Variants in CLEC2D observed in about 807,000 individuals in gnomAD.
The protein encoded by CLEC2D is C-type lectin domain family 2 member D.
CLEC2D carries 16 observed loss-of-function variants against 20.0 expected under a neutral mutation model. The ratio of observed to expected loss-of-function variants is 0.80; its 90% CI spans 0.54 to 1.22. The LOEUF (loss-of-function observed/expected upper bound fraction) is 1.22. Ranked by LOEUF, CLEC2D falls within the 50% of genes most tolerant of loss-of-function variation. CLEC2D has a pLI of 0.00. For missense variants in CLEC2D, 207 were observed against 221.5 expected (o/e 0.93, Z 0.42); for synonymous variants, 77 against 71.1 (o/e 1.08, Z -0.42).
rs1226655704 is a variant in CLEC2D, at chr12:9,683,322, G to GTTTTTTTTTTTTTTT, written c.172+2295_172+2296insTTTTTTTTTTTTTTT. Among the ~76,000 whole-genome samples, 8 of 80,870 alleles carry GTTTTTTTTTTTTTTT rather than the reference G, an allele frequency of 9.9e-5. 3 individuals carry two copies. Among genetic ancestry groups the GTTTTTTTTTTTTTTT allele is most frequent in the African/African-American group, 3.1e-4 (5 of 16,154 alleles). The allele number at this position is 80,870 out of a possible 152,430, so 53.1% of individuals were successfully genotyped here. On this transcript the variant is annotated intron_variant, in intron 2 of 4. Transcript: ENST00000290855. ...TGCCTGTTCACTCTGATGATAGTTT[G>GTTTTTTTTTTTTTTT]TTTTTTGTGTTTGTTTTTTTTTTTT...
intron 1 of CLEC2D, among the ~76,000 whole-genome samples, chr12:9,674,417 C>T (rs1046147786): frequency 3.3e-5 from 5 of 152,244 alleles, no homozygotes; most frequent in African/African-American, 1.2e-4. Context: ...TTCCTGCTTC[C>T]TGTGGGTTGC....
In CLEC2D at chr12:9,694,424, C is replaced by G. The variant is rs567343851; in HGVS notation, c.462-336C>G. 1.4e-3 allele frequency among the ~76,000 whole-genome samples: 218 copies of G among 152,212 alleles called. 1 individual carries two copies. The highest frequency in any genetic ancestry group is 2.3e-3 in the Non-Finnish European group (156 of 68,002). ...TTTTTAGAAATAGCTGCTGAGTCTT[C>G]AGTTATTTAAGGAAGCAAAATATTG... On this transcript the variant is annotated intron_variant, in intron 4 of 4. Coordinates refer to ENST00000290855, the MANE Select transcript of CLEC2D (RefSeq NM_013269.6).
intron 1 of CLEC2D, among the ~76,000 whole-genome samples, chr12:9,670,057 A>G (rs1003725744): frequency 6.6e-6 from 1 of 152,172 alleles, no homozygotes; most frequent in African/African-American, 2.4e-5. Context: ...TGAAAATAAC[A>G]GTTAATTTCA....
rs1408252082 is a variant in CLEC2D, at chr12:9,698,568, G to A, written c.*3694G>A. The stretch of plus-strand genomic sequence containing the variant: ...TGTAAAACTACTAAAAGAAAATATA[G>A]GGAGAAAGCTTCACAACGTTGGTCT... On this transcript the variant is annotated 3_prime_UTR_variant, in exon 5 of 5. Coordinates refer to ENST00000290855, the MANE Select transcript of CLEC2D (RefSeq NM_013269.6). 6.6e-6 allele frequency: 1 copy of A among 152,096 alleles called. No individual in the cohort carries two copies. The highest frequency in any genetic ancestry group is 1.5e-5 in the Non-Finnish European group (1 of 68,026). 9.4% of individuals were successfully genotyped at this position (152,096 alleles called of 1,614,324 possible).
At chr12:9,683,489 G>C (rs890030982) in intron 2 of CLEC2D, among the ~76,000 whole-genome samples, 2 of 151,810 alleles carry the variant, frequency 1.3e-5, no homozygotes, top group African/African-American at 2.4e-5. Context: ...TTTGTTCTCA[G>C]GTTTTTATGG....
chr12:9,692,668 T>A (rs1253468001), intron 3 of CLEC2D, among the ~76,000 whole-genome samples, 160 bp from the exon 4 acceptor site: 1 of 152,238 alleles, frequency 6.6e-6, no homozygotes, highest in African/African-American at 2.4e-5. Context: ...TTTTGATATG[T>A]ATGATAATAT....
At chr12:9,680,824 C>A in intron 1 of CLEC2D, 99 bp from the exon 2 acceptor site, 2 of 619,396 alleles carry the variant, frequency 3.2e-6, no homozygotes, top group South Asian at 2.1e-5. Context: ...TAGTGAAAAG[C>A]GAAGGAATTA....
chr12:9,680,772 T>C (rs1865617949), intron 1 of CLEC2D, 151 bp from the exon 2 acceptor site: 2 of 488,660 alleles, frequency 4.1e-6, no homozygotes, highest in Non-Finnish European at 3.6e-6. Context: ...ATTCTGGAGA[T>C]AGAATAGTAA....
chr12:9,690,150 A>G lies in CLEC2D; in HGVS notation c.357+2064A>G, dbSNP rs147142011. Reference sequence around the variant, plus strand: ...TCATTTACATAAGACCCTGAATAAAATTAATAGCTGATTTTCTCTGAGAAA... The same window carrying G: ...TCATTTACATAAGACCCTGAATAAAGTTAATAGCTGATTTTCTCTGAGAAA... On this transcript the variant is annotated intron_variant, in intron 3 of 4. Coordinates refer to ENST00000290855, the MANE Select transcript of CLEC2D (RefSeq NM_013269.6). 3.0e-4 allele frequency among the ~76,000 whole-genome samples: 45 copies of G among 152,238 alleles called. 1 individual carries two copies. The East Asian group carries it at 8.7e-3, about 29-fold the overall frequency.
chr12:9,685,189 G>A (rs113029116), intron 2 of CLEC2D, among the ~76,000 whole-genome samples: 1 of 152,218 alleles, frequency 6.6e-6, no homozygotes, highest in Non-Finnish European at 1.5e-5. Flanking sequence ...AGCAAAGATT[G>A]CTGCCTGCTC....
intron 1 of CLEC2D, among the ~76,000 whole-genome samples, chr12:9,678,493 T>G (rs1392127459): frequency 6.6e-6 from 1 of 152,146 alleles, no homozygotes; most frequent in East Asian, 1.9e-4. Context: ...CCATATTTCT[T>G]TCTGTTTTCT....
At chr12:9,678,800 C>G (rs889203633) in intron 1 of CLEC2D, among the ~76,000 whole-genome samples, 3 of 152,170 alleles carry the variant, frequency 2.0e-5, no homozygotes, top group Non-Finnish European at 4.4e-5. Context: ...CTCAGTGTCT[C>G]AAAGGGTTGG....
rs943077970 is a variant in CLEC2D, at chr12:9,695,708, T to C, written c.*834T>C. 5.1e-6 allele frequency: 8 copies of C among 1,555,982 alleles called. No individual in the cohort carries two copies. The highest frequency in any genetic ancestry group is 7.0e-6 in the Non-Finnish European group (8 of 1,137,028). On this transcript the variant is annotated 3_prime_UTR_variant, in exon 5 of 5. Transcript: ENST00000290855. ...AGGTTGAAGTGTGGTTCAGGGCCAGTGCATATTAGTGGACAGCACTTAGTA... is the reference window on the plus strand; with the variant it reads ...AGGTTGAAGTGTGGTTCAGGGCCAGCGCATATTAGTGGACAGCACTTAGTA...
At chr12:9,685,441 C>T (rs1224125854) in intron 2 of CLEC2D, among the ~76,000 whole-genome samples, 2 of 152,222 alleles carry the variant, frequency 1.3e-5, no homozygotes, top group Non-Finnish European at 2.9e-5. Context: ...GTGACCACAG[C>T]CACCCTTTCC....
At chr12:9,669,865 C>A in intron 1 of CLEC2D, 70 bp downstream of exon 1, 1 of 1,245,364 alleles carries the variant, frequency 8.0e-7, no homozygotes, top group Non-Finnish European at 1.2e-6. Flanking sequence ...GATGGGCTCA[C>A]ACAGGAAAGG....
chr12:9,671,137 A>T (rs1865412108), intron 1 of CLEC2D, among the ~76,000 whole-genome samples: 1 of 152,142 alleles, frequency 6.6e-6, no homozygotes. Context: ...TGGCAGACGG[A>T]CAGTGAGAAA....
intron 1 of CLEC2D, among the ~76,000 whole-genome samples, chr12:9,670,069 T>TA (rs974590259): frequency 4.1e-4 from 62 of 150,920 alleles, no homozygotes; most frequent in Non-Finnish European, 3.4e-4. Context: ...TTAATTTCAC[T>TA]AAAAAAAAAT....
At chr12:9,677,707 C>CTTTTTTTTTTTTTTTTTTTTTTTTTTTTT (rs36120151) in intron 1 of CLEC2D, among the ~76,000 whole-genome samples, 2 of 122,430 alleles carry the variant, frequency 1.6e-5, no homozygotes, top group African/African-American at 3.1e-5. Context: ...TTCTTTCTTT[C>CTTTTTTTTTTTTTTTTTTTTTTTTTTTTT]TTTTTTTTTT....
At chr12:9,692,138 T>C (rs1865880263) in intron 3 of CLEC2D, among the ~76,000 whole-genome samples, 1 of 152,106 alleles carries the variant, frequency 6.6e-6, no homozygotes, top group Non-Finnish European at 1.5e-5. Context: ...GTTCGTTCGT[T>C]CGTTCGTTTC....
Sources: allele counts gnomAD v4.1 joint callset (sites outside exome capture counted in the v4.1 genomes callset), GRCh38; gene constraint gnomAD v4.1.1; transcripts MANE v1.5; gene names NCBI Gene and HGNC (gene_info 2026-07-23, HGNC 2026-07-21).